The following UBE2D3 variants were observed in gnomAD, a reference collection of about 807,000 sequenced individuals.
UBE2D3 encodes the protein ubiquitin conjugating enzyme E2 D3.
Under a neutral mutation model 22.8 loss-of-function variants are expected in UBE2D3, and 2 were observed. The ratio of observed to expected loss-of-function variants is 0.09; its 90% CI spans 0.04 to 0.28. The LOEUF (loss-of-function observed/expected upper bound fraction) is 0.28, where lower values mean the gene tolerates loss of function less well. Among genes scored for constraint, UBE2D3 ranks in the 10% least tolerant of loss-of-function variants. The pLI is 1.00. For synonymous variants in UBE2D3, 56 were observed against 60.4 expected (o/e 0.93, Z 0.34); for missense variants, 27 against 182.5 (o/e 0.15, Z 4.91).
intron 4 of UBE2D3, chr4:102,809,019 A>C (rs992782908): frequency 8.7e-6 from 1 of 115,114 alleles, no homozygotes; most frequent in Non-Finnish European, 1.7e-5. Flanking sequence ...CGCCTTAGCA[A>C]GTTAAAAAAA....
intron 2 of UBE2D3, chr4:102,811,618 C>T (rs1441606870): frequency 6.5e-6 from 2 of 305,418 alleles, no homozygotes; most frequent in South Asian, 2.6e-5. Context: ...GAGGGAGAGG[C>T]TGCAGATCGC....
At chr4:102,822,263 T>A (rs1729736157) in intron 2 of UBE2D3, among the ~76,000 whole-genome samples, 1 of 152,222 alleles carries the variant, frequency 6.6e-6, no homozygotes, top group Non-Finnish European at 1.5e-5. Flanking sequence ...GAGGTCCTAT[T>A]ATTATCAGCA....
intron 2 of UBE2D3, among the ~76,000 whole-genome samples, chr4:102,823,440 T>C (rs1578263172): frequency 6.6e-6 from 1 of 152,246 alleles, no homozygotes; most frequent in South Asian, 2.1e-4. Context: ...GTTTCCCTGC[T>C]AGCCGCTTGC....
chr4:102,859,938 C>T lies in UBE2D3; in HGVS notation c.-129+8777G>A, dbSNP rs1041202560. On this transcript the variant is annotated intron_variant, in intron 1 of 7. Transcript: ENST00000338145. ...TCAGCTCACTGCAAGCTCTGCCTCC[C>T]GGGTTCACACCATTCTCCTGCCTCA... Among the ~76,000 whole-genome samples, 10 of 151,876 alleles carry T rather than the reference C, an allele frequency of 6.6e-5. 1 individual carries two copies. Among genetic ancestry groups the T allele is most frequent in the East Asian group, 1.9e-4 (1 of 5,170 alleles).
At chr4:102,856,941 TAATAA>T (rs1399441277) in intron 1 of UBE2D3, among the ~76,000 whole-genome samples, 1 of 152,122 alleles carries the variant, frequency 6.6e-6, no homozygotes, top group Non-Finnish European at 1.5e-5. Context: ...ACTTATAGGG[TAATAA>T]AATGATTATG....
intron 1 of UBE2D3, among the ~76,000 whole-genome samples, chr4:102,844,487 C>T (rs1731935326): frequency 6.6e-6 from 1 of 152,154 alleles, no homozygotes; most frequent in African/African-American, 2.4e-5. Flanking sequence ...ACCATAATAG[C>T]AATCCCTCCA....
chr4:102,804,400 C>T (rs1237200406), intron 4 of UBE2D3, among the ~76,000 whole-genome samples: 1 of 151,976 alleles, frequency 6.6e-6, no homozygotes, highest in African/African-American at 2.4e-5. Context: ...CCAGGTGATC[C>T]GCCTGCCTCA....
chr4:102,841,771 GATT>G (rs1731767207), intron 1 of UBE2D3, among the ~76,000 whole-genome samples: 1 of 152,122 alleles, frequency 6.6e-6, no homozygotes, highest in Admixed American at 6.6e-5. Context: ...CAGGATCAGT[GATT>G]ATTACCAGTC....
At chr4:102,827,708 C>T (rs967546493), upstream of UBE2D3, 1 of 932,972 alleles carries the variant, frequency 1.1e-6, no homozygotes, top group African/African-American at 3.1e-5. Context: ...ACGTGTCAAG[C>T]CCTTTTCCTT....
chr4:102,828,545 A>G (rs1351604898), upstream of UBE2D3, among the ~76,000 whole-genome samples: 2 of 152,158 alleles, frequency 1.3e-5, no homozygotes, highest in Non-Finnish European at 2.9e-5. Flanking sequence ...AGAGAGAGTT[A>G]GGGGCAGGGT....
chr4:102,836,485 G>A lies in UBE2D3; in HGVS notation c.-128-9849C>T, dbSNP rs111554175. On this transcript the variant is annotated intron_variant, in intron 1 of 7. Transcript: ENST00000338145. ...GTCTTATTACAAATAGGGCTACTAT[G>A]AACATTCTTTACAGTGTTTATATGG... Among the ~76,000 whole-genome samples the A allele has an allele frequency of 4.3e-3, 647 of 152,144 alleles. 4 individuals are homozygous for A. The highest frequency in any genetic ancestry group is 0.015 in the African/African-American group (619 of 41,510).
intron 4 of UBE2D3, among the ~76,000 whole-genome samples, chr4:102,804,935 T>C (rs916150799): frequency 6.6e-6 from 1 of 152,202 alleles, no homozygotes; most frequent in East Asian, 1.9e-4. Context: ...TCCACCCACC[T>C]TGGCCTCCCA....
intron 2 of UBE2D3, among the ~76,000 whole-genome samples, chr4:102,821,673 A>C (rs1729641415): frequency 6.6e-6 from 1 of 152,198 alleles, no homozygotes; most frequent in South Asian, 2.1e-4. Context: ...ACTGGATTGT[A>C]ACACAAAGGA....
chr4:102,857,956 T>C (rs551794231), intron 1 of UBE2D3, among the ~76,000 whole-genome samples: 1 of 151,922 alleles, frequency 6.6e-6, no homozygotes, highest in South Asian at 2.1e-4. Flanking sequence ...CCTCCCAAAG[T>C]GCTGGGGTTA....
At chr4:102,846,210 AAGAC>A (rs914064722) in intron 1 of UBE2D3, among the ~76,000 whole-genome samples, 1 of 152,170 alleles carries the variant, frequency 6.6e-6, no homozygotes. Context: ...CTCGCAAACA[AAGAC>A]AGCCACTTCA....
At chr4:102,799,606 T>TTTGTATCTTA (rs981161078) in intron 6 of UBE2D3, 106 bp from the exon 7 acceptor site, 2 of 746,074 alleles carry the variant, frequency 2.7e-6, no homozygotes, top group African/African-American at 3.6e-5. Flanking sequence ...CTTTTATTAG[T>TTTGTATCTTA]TTGTATCTTT....
rs1431142187 is a variant in UBE2D3, at chr4:102,799,839, G to GC, written c.305-340_305-339insG. On this transcript the variant is annotated intron_variant, in intron 6 of 7. Transcript: ENST00000453744. ...TTCTTGGTACTCAGTGGCTGGGGGGGGGGGGACTTTAGCAAGAATATGCAG... is the reference window on the plus strand; with the variant it reads ...TTCTTGGTACTCAGTGGCTGGGGGGGCGGGGGACTTTAGCAAGAATATGCAG... 2.1e-5 allele frequency among the ~76,000 whole-genome samples: 3 copies of GC among 144,956 alleles called. No individual in the cohort carries two copies. The East Asian group carries it at 6.4e-4, about 31-fold the overall frequency.
chr4:102,849,029 A>G (rs1364495463), intron 1 of UBE2D3, among the ~76,000 whole-genome samples: 5 of 151,246 alleles, frequency 3.3e-5, no homozygotes, highest in African/African-American at 4.9e-5. Flanking sequence ...GTTGCAAATC[A>G]CCATATCTTT....
intron 2 of UBE2D3, chr4:102,810,451 A>C (rs1219151885): frequency 7.0e-6 from 1 of 143,700 alleles, no homozygotes; most frequent in Non-Finnish European, 1.5e-5. Flanking sequence ...TCCAGGCTGC[A>C]GTGCAGTGGC....
Sources: allele counts gnomAD v4.1 joint callset (sites outside exome capture counted in the v4.1 genomes callset), GRCh38; gene constraint gnomAD v4.1.1; transcripts MANE v1.5; gene names NCBI Gene and HGNC (gene_info 2026-07-23, HGNC 2026-07-21).